The following PLCB1 variants were observed in gnomAD, a reference collection of about 807,000 sequenced individuals.
The protein encoded by PLCB1 is phospholipase C beta 1, also known as 1-phosphatidylinositol 4,5-bisphosphate phosphodiesterase beta-1.
A neutral mutation model predicts 161.8 loss-of-function variants in PLCB1; 46 were observed. The observed-to-expected ratio is 0.28, with a 90% CI of 0.22 to 0.36. The LOEUF (loss-of-function observed/expected upper bound fraction) is 0.36, where lower values mean the gene tolerates loss of function less well. Among genes scored for constraint, PLCB1 ranks in the 10% least tolerant of loss-of-function variants. The probability of loss-of-function intolerance (pLI) is 1.00; values close to 1 mark genes in which losing one functional copy is unlikely to be tolerated. For synonymous variants in PLCB1, 517 were observed against 503.7 expected, an observed-to-expected ratio of 1.03 and a Z score of -0.35; for missense variants, 1,016 against 1,472.5, an observed-to-expected ratio of 0.69 and a Z score of 5.07.
At chr20:8,688,114 G>A (rs999820964) in intron 10 of PLCB1, among the ~76,000 whole-genome samples, 20 of 152,120 alleles carry the variant, frequency 1.3e-4, no homozygotes, top group African/African-American at 4.6e-4. Context: ...TCATATGTGT[G>A]TTGGTCATTT....
intron 3 of PLCB1, among the ~76,000 whole-genome samples, chr20:8,611,481 C>T (rs1315750297): frequency 6.6e-6 from 1 of 152,080 alleles, no homozygotes; most frequent in Non-Finnish European, 1.5e-5. Flanking sequence ...GGGTTGATTA[C>T]CTTAAAATGT....
chr20:8,276,651 C>CT (rs1982561229), intron 2 of PLCB1, among the ~76,000 whole-genome samples: 2 of 152,188 alleles, frequency 1.3e-5, no homozygotes, highest in East Asian at 3.9e-4. Flanking sequence ...TCTATTTGAG[C>CT]TTTTTTCCAA....
intron 3 of PLCB1, among the ~76,000 whole-genome samples, chr20:8,409,116 A>C (rs1978920892): frequency 6.6e-6 from 1 of 152,196 alleles, no homozygotes; most frequent in Non-Finnish European, 1.5e-5. Flanking sequence ...TTCCCAACTA[A>C]ATTAGCTGAA....
chr20:8,870,555 T>C (rs1161526708), intron 31 of PLCB1, among the ~76,000 whole-genome samples: 1 of 152,212 alleles, frequency 6.6e-6, no homozygotes, highest in Non-Finnish European at 1.5e-5. Flanking sequence ...TGCATTTGGC[T>C]TTTGACTTGA....
chr20:8,753,985 A>C (rs1282065939), intron 23 of PLCB1, among the ~76,000 whole-genome samples: 2 of 152,204 alleles, frequency 1.3e-5, no homozygotes, highest in Non-Finnish European at 2.9e-5. Context: ...AGAGTGACAC[A>C]GTCCACTCTA....
chr20:8,810,800 C>CA (rs1341436626), intron 31 of PLCB1, among the ~76,000 whole-genome samples: 2 of 152,066 alleles, frequency 1.3e-5, no homozygotes, highest in Non-Finnish European at 2.9e-5. Flanking sequence ...CCTATCTCTA[C>CA]AAAAAATACA....
chr20:8,847,053 A>G (rs1321937030), intron 31 of PLCB1, among the ~76,000 whole-genome samples: 1 of 152,194 alleles, frequency 6.6e-6, no homozygotes, highest in Non-Finnish European at 1.5e-5. Flanking sequence ...AGATCTTGAT[A>G]TGGTCATTTC....
chr20:8,204,080 G>A (rs1274129889), intron 2 of PLCB1, among the ~76,000 whole-genome samples: 1 of 152,004 alleles, frequency 6.6e-6, no homozygotes, highest in Non-Finnish European at 1.5e-5. Context: ...TAGAATTTTG[G>A]TTTCTTTCTT....
chr20:8,254,090 A>G (rs988522973), intron 2 of PLCB1, among the ~76,000 whole-genome samples: 6 of 151,942 alleles, frequency 3.9e-5, no homozygotes, highest in Non-Finnish European at 5.9e-5. Flanking sequence ...TATACTAAAC[A>G]ATATGTTTGT....
In PLCB1 at chr20:8,684,962, A is replaced by G; in HGVS notation, c.893A>G (p.Tyr298Cys). The G allele has an allele frequency of 6.2e-7, 1 of 1,613,880 alleles. No individual in the cohort carries two copies. The highest frequency in any genetic ancestry group is 8.5e-7 in the Non-Finnish European group (1 of 1,179,854). ...GQISVDGFMR[Y>C]LSGEENGVVS... is the part of the protein sequence containing the mutation. ...ATATCAGTGGATGGGTTCATGCGCT[A>G]TCTGAGTGGAGAAGAAAACGGAGTC... The change falls in exon 10 of 32, where the codon TAT becomes TGT. Residue 298 changes from tyrosine (Y) to cysteine (C), a missense_variant. Tyr to Cys is a radical substitution (Grantham distance 194). Coordinates refer to ENST00000338037, the MANE Select transcript of PLCB1 (RefSeq NM_015192.4).
intron 2 of PLCB1, among the ~76,000 whole-genome samples, chr20:8,352,352 A>G (rs1986207295): frequency 6.6e-6 from 1 of 152,110 alleles, no homozygotes; most frequent in African/African-American, 2.4e-5. Context: ...GGTGAAGCAC[A>G]GTGAATCTTT....
At chr20:8,149,902 T>A (rs931346680) in intron 1 of PLCB1, among the ~76,000 whole-genome samples, 1 of 152,148 alleles carries the variant, frequency 6.6e-6, no homozygotes, top group Non-Finnish European at 1.5e-5. Flanking sequence ...CAATTAAAAA[T>A]CATTTTATGG....
At chr20:8,528,986 C>T (rs889829391) in intron 3 of PLCB1, among the ~76,000 whole-genome samples, 2 of 152,054 alleles carry the variant, frequency 1.3e-5, no homozygotes, top group African/African-American at 4.8e-5. Context: ...CAATAACCTT[C>T]TAACGATTCC....
At chr20:8,596,988 T>A (rs1987377818) in intron 3 of PLCB1, among the ~76,000 whole-genome samples, 1 of 150,516 alleles carries the variant, frequency 6.6e-6, no homozygotes, top group Non-Finnish European at 1.5e-5. Context: ...CTTATCAGCT[T>A]AAGGAGATTT....
chr20:8,866,273 G>A (rs540283662), intron 31 of PLCB1, among the ~76,000 whole-genome samples: 1 of 152,304 alleles, frequency 6.6e-6, no homozygotes, highest in East Asian at 1.9e-4. Flanking sequence ...TTACCTGGGG[G>A]TAAGGAAAGT....
At chr20:8,588,583 C>T (rs1370230199) in intron 3 of PLCB1, among the ~76,000 whole-genome samples, 2 of 152,044 alleles carry the variant, frequency 1.3e-5, no homozygotes, top group African/African-American at 4.8e-5. Flanking sequence ...ACCAGTCCCT[C>T]ATCTAAGAGG....
intron 2 of PLCB1, among the ~76,000 whole-genome samples, chr20:8,334,765 T>C (rs1985508144): frequency 6.6e-6 from 1 of 152,238 alleles, no homozygotes; most frequent in Non-Finnish European, 1.5e-5. Flanking sequence ...TCTGTGGTCA[T>C]TCTGGTTCTA....
chr20:8,442,871 G>T (rs555953215), intron 3 of PLCB1, among the ~76,000 whole-genome samples: 9 of 152,088 alleles, frequency 5.9e-5, no homozygotes, highest in African/African-American at 2.2e-4. Flanking sequence ...TTATTCCCTT[G>T]GATAGTAGCA....
chr20:8,373,438 T>A (rs1053486794), intron 3 of PLCB1, among the ~76,000 whole-genome samples: 1 of 152,166 alleles, frequency 6.6e-6, no homozygotes, highest in Admixed American at 6.6e-5. Flanking sequence ...ATGAAATAAT[T>A]CATTAGGAAA....
Sources: allele counts gnomAD v4.1 joint callset (sites outside exome capture counted in the v4.1 genomes callset), GRCh38; gene constraint gnomAD v4.1.1; transcripts MANE v1.5; gene names NCBI Gene and HGNC (gene_info 2026-07-23, HGNC 2026-07-21).